ADAMTS3: variants seen among roughly 807,000 people sequenced by gnomAD.
The protein encoded by ADAMTS3 is ADAM metallopeptidase with thrombospondin type 1 motif 3.
ADAMTS3 carries 73 observed loss-of-function variants against 129.0 expected under a neutral mutation model. The ratio of observed to expected loss-of-function variants is 0.57; its 90% CI spans 0.47 to 0.69. ADAMTS3 has a LOEUF of 0.69. Among genes scored for constraint, ADAMTS3 ranks in the 30% least tolerant of loss-of-function variants. The pLI is 0.00. For missense variants in ADAMTS3, 1,457 were observed against 1,514.5 expected (o/e 0.96, Z 0.63); for synonymous variants, 477 against 510.8 (o/e 0.93, Z 0.89).
chr4:72,355,706 G>A (rs1417175463), intron 4 of ADAMTS3, among the ~76,000 whole-genome samples: 1 of 152,002 alleles, frequency 6.6e-6, no homozygotes, highest in Non-Finnish European at 1.5e-5. Context: ...AGATAGCGGT[G>A]TTGGTTGCTT....
intron 3 of ADAMTS3, among the ~76,000 whole-genome samples, chr4:72,520,925 C>T (rs1428876497): frequency 6.6e-6 from 1 of 152,072 alleles, no homozygotes; most frequent in East Asian, 1.9e-4. Context: ...AATCACCCGT[C>T]TTCTGCATCG....
At chr4:72,431,121 G>A (rs1352667470) in intron 3 of ADAMTS3, among the ~76,000 whole-genome samples, 5 of 152,024 alleles carry the variant, frequency 3.3e-5, no homozygotes, top group Admixed American at 2.6e-4. Flanking sequence ...AAGGAAAGAA[G>A]CAGAAGCAAT....
At chr4:72,334,751 A>G (rs1719946330) in intron 5 of ADAMTS3, among the ~76,000 whole-genome samples, 1 of 152,188 alleles carries the variant, frequency 6.6e-6, no homozygotes, top group Admixed American at 6.6e-5. Context: ...AAAACTATAA[A>G]CATTTCTTGA....
At chr4:72,450,983 AG>A in intron 3 of ADAMTS3, among the ~76,000 whole-genome samples, 1 of 64,472 alleles carries the variant, frequency 1.6e-5, no homozygotes, top group Non-Finnish European at 3.4e-5. Flanking sequence ...AGAGAAGAGA[AG>A]AGAAGAGAAG....
intron 2 of ADAMTS3, among the ~76,000 whole-genome samples, chr4:72,564,063 T>C (rs1518491): frequency 0.96 from 146,798 of 152,234 alleles, 71,016 homozygotes; most frequent in East Asian, 1. Context: ...TTTTTTAAGA[T>C]TGGGATGTAA....
intron 4 of ADAMTS3, among the ~76,000 whole-genome samples, chr4:72,351,410 A>C (rs573065957): frequency 6.6e-6 from 1 of 152,060 alleles, no homozygotes; most frequent in South Asian, 2.1e-4. Flanking sequence ...GCAGTAGTGA[A>C]ATATACAGTG....
At chr4:72,523,002 T>C (rs1720713246) in intron 3 of ADAMTS3, among the ~76,000 whole-genome samples, 1 of 152,132 alleles carries the variant, frequency 6.6e-6, no homozygotes, top group Admixed American at 6.5e-5. Context: ...ATTTTTAGAC[T>C]AGTCTCTTCT....
At chr4:72,430,319 T>C (rs1037611024) in intron 3 of ADAMTS3, among the ~76,000 whole-genome samples, 9 of 152,006 alleles carry the variant, frequency 5.9e-5, no homozygotes, top group Non-Finnish European at 1.3e-4. Flanking sequence ...TGCTGTGGTC[T>C]CATGGAATAC....
chr4:72,409,129 G>C (rs753657812), intron 4 of ADAMTS3, among the ~76,000 whole-genome samples: 5 of 152,114 alleles, frequency 3.3e-5, no homozygotes, highest in Non-Finnish European at 5.9e-5. Flanking sequence ...GGCATGAGCA[G>C]AGTCAAAATG....
chr4:72,313,492 A>G (rs185283235), intron 12 of ADAMTS3, among the ~76,000 whole-genome samples, 185 bp downstream of exon 12: 15 of 152,292 alleles, frequency 9.8e-5, no homozygotes, highest in Non-Finnish European at 4.4e-5. Context: ...TTCATCACTG[A>G]CTGCTTGTCA....
chr4:72,567,885 C>G (rs72858305), intron 1 of ADAMTS3: 5,587 of 157,168 alleles, frequency 0.036, 380 homozygotes, highest in African/African-American at 0.13. Flanking sequence ...CCCATCGGCC[C>G]AGTGCTGATA....
intron 3 of ADAMTS3, among the ~76,000 whole-genome samples, chr4:72,436,580 A>G (rs1717932492): frequency 6.6e-6 from 1 of 152,166 alleles, no homozygotes; most frequent in African/African-American, 2.4e-5. Context: ...GGCACTATTC[A>G]CAATAGCAAA....
chr4:72,521,091 C>T (rs1720660219), intron 3 of ADAMTS3, among the ~76,000 whole-genome samples: 1 of 151,764 alleles, frequency 6.6e-6, no homozygotes, highest in Non-Finnish European at 1.5e-5. Context: ...TCCACCTCCC[C>T]GGTTCAAGTG....
intron 3 of ADAMTS3, among the ~76,000 whole-genome samples, chr4:72,432,121 G>A (rs113571887): frequency 4.6e-5 from 7 of 152,006 alleles, no homozygotes; most frequent in South Asian, 2.1e-4. Context: ...CAATGCCTGC[G>A]TGTTCTTCTC....
At chr4:72,443,869 G>C (rs868145667) in intron 3 of ADAMTS3, among the ~76,000 whole-genome samples, 1 of 151,664 alleles carries the variant, frequency 6.6e-6, no homozygotes. Context: ...TGGGTCACTA[G>C]TTCCAACCCA....
chr4:72,301,848 C>A (rs889258551), intron 17 of ADAMTS3, among the ~76,000 whole-genome samples: 1 of 151,912 alleles, frequency 6.6e-6, no homozygotes, highest in Non-Finnish European at 1.5e-5. Flanking sequence ...CTTTCAGAGC[C>A]GGCCACTAAA....
At chr4:72,289,067 C>T (rs1016449916) in intron 20 of ADAMTS3, among the ~76,000 whole-genome samples, 199 bp from the exon 21 acceptor site, 1 of 151,792 alleles carries the variant, frequency 6.6e-6, no homozygotes, top group Admixed American at 6.6e-5. Context: ...CCATTATTTA[C>T]CAGCCTGGGA....
intron 16 of ADAMTS3, 119 bp downstream of exon 16, chr4:72,305,868 A>ATGTACATATACGTATGCACATATATG: frequency 4.8e-6 from 4 of 838,786 alleles, no homozygotes; most frequent in Non-Finnish European, 3.9e-6. Flanking sequence ...ATGCACATGT[A>ATGTACATATACGTATGCACATATATG]TGTACATATA....
At position 72,298,420 on chromosome 4, in the gene ADAMTS3, G is replaced by A; in HGVS notation, c.2447C>T (p.Thr816Ile). The A allele has an allele frequency of 6.2e-7, 1 of 1,604,632 alleles. No individual in the cohort carries two copies. The highest frequency in any genetic ancestry group is 8.5e-7 in the Non-Finnish European group (1 of 1,174,074). ...GTACTTATATGTCAGGCTAGAGCGGGTATCATTTTCTTGAGGTATAATCTA... is the reference window on the plus strand; with the variant it reads ...GTACTTATATGTCAGGCTAGAGCGGATATCATTTTCTTGAGGTATAATCTA... ...IVLIIPQEND[T>I]RSSLTYKYII... Residue 816 changes from threonine (T) to isoleucine (I), a missense_variant, in exon 18 of 22, where the codon ACC becomes ATC. Transcript: ENST00000286657.
Sources: gnomAD v4.1 joint callset for allele counts (sites outside exome capture counted in the v4.1 genomes callset) on GRCh38, gnomAD v4.1.1 for gene constraint, MANE v1.5 for transcripts, NCBI Gene and HGNC (gene_info 2026-07-23, HGNC 2026-07-21) for gene names.